The following ANO4 variants were observed in gnomAD, a reference collection of about 807,000 sequenced individuals.
ANO4 encodes anoctamin 4.
A neutral mutation model predicts 141.9 loss-of-function variants in ANO4; 69 were observed. That is an observed-to-expected ratio of 0.49 (90% CI 0.40 to 0.59). The LOEUF is 0.59. Ranked by LOEUF, ANO4 falls within the 20% of genes least tolerant of loss-of-function variation. ANO4 has a pLI of 0.00. For missense variants in ANO4, 894 were observed against 1,162.2 expected, an observed-to-expected ratio of 0.77 and a Z score of 3.36; for synonymous variants, 350 against 394.3, an observed-to-expected ratio of 0.89 and a Z score of 1.33.
intron 9 of ANO4, among the ~76,000 whole-genome samples, chr12:101,028,076 C>T (rs762113035): frequency 2.0e-5 from 3 of 152,022 alleles, no homozygotes; most frequent in Non-Finnish European, 1.5e-5. Flanking sequence ...CCACAGCAGC[C>T]CTACAGAGGA....
intron 2 of ANO4, among the ~76,000 whole-genome samples, chr12:100,912,440 A>C (rs1411423855): frequency 6.7e-6 from 1 of 148,180 alleles, no homozygotes; most frequent in African/African-American, 2.4e-5. Context: ...AAGCTGAAGC[A>C]GGAGAATCGC....
At chr12:100,930,419 C>T (rs2042043576) in intron 3 of ANO4, among the ~76,000 whole-genome samples, 1 of 152,136 alleles carries the variant, frequency 6.6e-6, no homozygotes, top group Non-Finnish European at 1.5e-5. Context: ...GTTTTCCCAG[C>T]ATCACTTATT....
At chr12:100,914,667 C>T (rs2041255883) in intron 2 of ANO4, among the ~76,000 whole-genome samples, 1 of 152,136 alleles carries the variant, frequency 6.6e-6, no homozygotes. Flanking sequence ...GAACCAGTAG[C>T]ATTTCCTACA....
At chr12:100,742,881 C>A (rs2031932759) in intron 3 of ANO4, among the ~76,000 whole-genome samples, 1 of 152,090 alleles carries the variant, frequency 6.6e-6, no homozygotes, top group African/African-American at 2.4e-5. Flanking sequence ...TTTACTTAAC[C>A]CTGCTTGTCA....
intron 2 of ANO4, among the ~76,000 whole-genome samples, chr12:100,903,435 C>A (rs1380689846): frequency 6.6e-6 from 1 of 152,154 alleles, no homozygotes; most frequent in Admixed American, 6.5e-5. Flanking sequence ...CTTGTTCTAC[C>A]AATTACAGGG....
intron 8 of ANO4, among the ~76,000 whole-genome samples, chr12:100,991,647 T>A (rs1168776722): frequency 6.6e-6 from 1 of 152,164 alleles, no homozygotes; most frequent in Non-Finnish European, 1.5e-5. Flanking sequence ...TACTCATCTA[T>A]GTTTTAGTAA....
In ANO4 at chr12:101,099,601, G is replaced by A; in HGVS notation, c.2030G>A (p.Arg677Lys). 6.2e-7 allele frequency: 1 copy of A among 1,602,596 alleles called. No individual in the cohort carries two copies. Among genetic ancestry groups the A allele is most frequent in the Non-Finnish European group, 8.5e-7 (1 of 1,177,218 alleles). ...GYPLIQNWWT[R>K]RKVRQEHGPE... The stretch of plus-strand genomic sequence containing the variant: ...AGGTTAATTCAGAATTGGTGGACTA[G>A]AAGAAAAGTACGACAAGAACATGGA... Residue 677 changes from arginine (R) to lysine (K), a missense_variant, in exon 22 of 28, where the codon AGA becomes AAA. Transcript: ENST00000392977.
chr12:101,079,790 G>A (rs1483005), intron 15 of ANO4, among the ~76,000 whole-genome samples: 20,913 of 151,924 alleles, frequency 0.14, 1,497 homozygotes, highest in East Asian at 0.21. Context: ...TTAAATGGAG[G>A]GCCAGCTCTA....
intron 1 of ANO4, among the ~76,000 whole-genome samples, chr12:100,878,037 C>T (rs1205075795): frequency 6.6e-6 from 1 of 151,758 alleles, no homozygotes; most frequent in African/African-American, 2.4e-5. Flanking sequence ...TTTTTTTTTC[C>T]TACTAGCATT....
chr12:101,079,297 A>C, intron 15 of ANO4, 22 bp downstream of exon 15: 1 of 1,596,458 alleles, frequency 6.3e-7, no homozygotes, highest in Admixed American at 1.7e-5. Context: ...TTACCTCAGA[A>C]TGTTGTAAAA....
chr12:101,035,143 C>T (rs2047143672), intron 9 of ANO4, among the ~76,000 whole-genome samples: 1 of 152,030 alleles, frequency 6.6e-6, no homozygotes, highest in Non-Finnish European at 1.5e-5. Context: ...TATAAAGGAC[C>T]CAAATGTCTA....
chr12:100,973,253 T>C (rs891921212), intron 6 of ANO4, among the ~76,000 whole-genome samples: 1 of 152,196 alleles, frequency 6.6e-6, no homozygotes, highest in African/African-American at 2.4e-5. Context: ...GACAAATAAC[T>C]CTAGTCTAAG....
chr12:100,872,750 C>CGT (rs777034225), intron 1 of ANO4, among the ~76,000 whole-genome samples: 1 of 152,172 alleles, frequency 6.6e-6, no homozygotes, highest in Admixed American at 6.5e-5. Context: ...ATAACTTCTA[C>CGT]AAGTCATTGA....
chr12:100,962,439 C>G (rs2043464625), intron 5 of ANO4, among the ~76,000 whole-genome samples: 1 of 152,126 alleles, frequency 6.6e-6, no homozygotes, highest in Non-Finnish European at 1.5e-5. Flanking sequence ...GAAGAGATTA[C>G]TTCAAACTTC....
intron 25 of ANO4, 66 bp downstream of exon 25, chr12:101,116,864 C>G (rs2050876449): frequency 6.2e-7 from 1 of 1,602,920 alleles, no homozygotes; most frequent in Non-Finnish European, 8.5e-7. Flanking sequence ...AGGTTTTACT[C>G]TGAAGGCCCC....
At chr12:100,724,481 G>C (rs574342941) in intron 1 of ANO4, among the ~76,000 whole-genome samples, 1 of 152,166 alleles carries the variant, frequency 6.6e-6, no homozygotes, top group Non-Finnish European at 1.5e-5. Flanking sequence ...ACTTCAACTA[G>C]TATCTCTCCT....
intron 1 of ANO4, among the ~76,000 whole-genome samples, chr12:100,727,055 T>G (rs1251567086): frequency 2.0e-5 from 3 of 152,044 alleles, no homozygotes; most frequent in African/African-American, 7.2e-5. Flanking sequence ...TATTGATTTA[T>G]TTTTTAATTG....
chr12:100,823,305 A>G (rs1406316744), intron 1 of ANO4, among the ~76,000 whole-genome samples: 1 of 152,064 alleles, frequency 6.6e-6, no homozygotes, highest in Non-Finnish European at 1.5e-5. Context: ...ATCTGTGCCA[A>G]ATTCAGGAAG....
intron 3 of ANO4, among the ~76,000 whole-genome samples, chr12:100,922,808 C>G (rs1219448358): frequency 6.6e-6 from 1 of 152,076 alleles, no homozygotes; most frequent in Non-Finnish European, 1.5e-5. Context: ...GAAGTGAACC[C>G]TCATTTTCTA....
Sources: allele counts gnomAD v4.1 joint callset (sites outside exome capture counted in the v4.1 genomes callset), GRCh38; gene constraint gnomAD v4.1.1; transcripts MANE v1.5; gene names NCBI Gene and HGNC (gene_info 2026-07-23, HGNC 2026-07-21).